Variants in EIF4G3 observed in about 807,000 individuals in gnomAD.
The protein encoded by EIF4G3 is eukaryotic translation initiation factor 4 gamma 3, also known as eIF-4-gamma 3.
In EIF4G3, 34 loss-of-function variants were observed where a neutral mutation model predicts 186.4. The observed-to-expected ratio is 0.18, with a 90% CI of 0.14 to 0.24. The LOEUF is 0.24. EIF4G3 is among the 10% of genes least tolerant of loss of function. The pLI, the probability that EIF4G3 is intolerant of heterozygous loss-of-function variation, is 1.00. For missense variants in EIF4G3, 1,536 were observed against 1,948.5 expected, an observed-to-expected ratio of 0.79 and a Z score of 3.99; for synonymous variants, 673 against 679.5, an observed-to-expected ratio of 0.99 and a Z score of 0.15.
At chr1:21,049,358 G>C (rs2094083394) in intron 4 of EIF4G3, among the ~76,000 whole-genome samples, 1 of 152,072 alleles carries the variant, frequency 6.6e-6, no homozygotes, top group African/African-American at 2.4e-5. Context: ...TTATATTCTT[G>C]AGAGTGCATA....
intron 4 of EIF4G3, among the ~76,000 whole-genome samples, chr1:21,025,674 A>G (rs2091973274): frequency 6.6e-6 from 1 of 152,206 alleles, no homozygotes; most frequent in African/African-American, 2.4e-5. Context: ...TCTCAAATAT[A>G]TCAACTTTTT....
chr1:21,118,686 T>C (rs935587754), intron 2 of EIF4G3, among the ~76,000 whole-genome samples: 5 of 150,086 alleles, frequency 3.3e-5, no homozygotes, highest in African/African-American at 4.9e-5. Context: ...CTTGGGAGGC[T>C]GAGGAAGGAG....
chr1:21,037,117 G>A (rs1207077462), intron 4 of EIF4G3, among the ~76,000 whole-genome samples: 3 of 151,844 alleles, frequency 2.0e-5, no homozygotes, highest in African/African-American at 7.2e-5. Context: ...AAGATTCCCA[G>A]ACCCTCACAG....
At chr1:20,953,030 T>A (rs776630965) in intron 12 of EIF4G3, among the ~76,000 whole-genome samples, 1 of 152,166 alleles carries the variant, frequency 6.6e-6, no homozygotes, top group Non-Finnish European at 1.5e-5. Flanking sequence ...TTTTGATACA[T>A]ATGAAGAAAT....
rs1220961794 is a variant in EIF4G3, at chr1:20,829,283, A to G, written c.4062-11T>C. 1 of 1,608,674 alleles carries G rather than the reference A, an allele frequency of 6.2e-7. No homozygotes were observed. The highest frequency in any genetic ancestry group is 8.5e-7 in the Non-Finnish European group (1 of 1,178,654). ...AAAGTTTCTGAAAAACTGAAAAGGA[A>G]CAGGGGGTAAAAATCACATGCAAAT... On this transcript the variant is annotated splice_polypyrimidine_tract_variant and intron_variant, in intron 30 of 36. Transcript: ENST00000602326.
intron 2 of EIF4G3, among the ~76,000 whole-genome samples, chr1:21,173,190 G>A (rs80228727): frequency 0.11 from 13,665 of 122,938 alleles, 870 homozygotes; most frequent in South Asian, 0.29. Context: ...ACATTTTCTA[G>A]AAGACCTTTG....
intron 7 of EIF4G3, among the ~76,000 whole-genome samples, chr1:20,993,607 C>G (rs1375471567): frequency 6.6e-6 from 1 of 152,096 alleles, no homozygotes. Context: ...CATCATCCAA[C>G]AACAAATTCC....
chr1:21,043,937 C>T (rs1038924078), intron 4 of EIF4G3, among the ~76,000 whole-genome samples: 4 of 148,886 alleles, frequency 2.7e-5, no homozygotes, highest in African/African-American at 7.4e-5. Context: ...ATTAGAAAAA[C>T]ATTTGGTCAA....
chr1:20,916,672 A>G (rs2093912673), intron 14 of EIF4G3, among the ~76,000 whole-genome samples: 2 of 152,200 alleles, frequency 1.3e-5, no homozygotes, highest in African/African-American at 4.8e-5. Context: ...AAAAAGAAGA[A>G]TGAAGTTGGA....
chr1:21,073,026 T>C (rs1403407128), intron 3 of EIF4G3, among the ~76,000 whole-genome samples: 1 of 152,172 alleles, frequency 6.6e-6, no homozygotes, highest in East Asian at 1.9e-4. Context: ...ACTTACCCAA[T>C]GACACACACA....
chr1:20,962,161 T>C (rs897346093), intron 12 of EIF4G3, among the ~76,000 whole-genome samples: 1 of 152,152 alleles, frequency 6.6e-6, no homozygotes, highest in Non-Finnish European at 1.5e-5. Context: ...CAGTTGACCC[T>C]TGAACAATTC....
At chr1:20,997,660 A>G in intron 6 of EIF4G3, 27 bp from the exon 7 acceptor site, 1 of 1,533,400 alleles carries the variant, frequency 6.5e-7, no homozygotes, top group Non-Finnish European at 8.8e-7. Context: ...AAACAAACAC[A>G]AAAGGAAAGG....
At chr1:20,987,326 A>C (rs571118501) in intron 7 of EIF4G3, among the ~76,000 whole-genome samples, 1 of 152,244 alleles carries the variant, frequency 6.6e-6, no homozygotes, top group African/African-American at 2.4e-5. Flanking sequence ...ATTTAATCAC[A>C]TTAGATATTC....
In EIF4G3 at chr1:20,814,633, G is replaced by C. The variant is rs1381284883; in HGVS notation, c.4516-1394C>G. Among the ~76,000 whole-genome samples, 4 of 152,158 alleles carry C rather than the reference G, an allele frequency of 2.6e-5. No homozygotes were observed. In the East Asian group the frequency reaches 7.7e-4, roughly 29 times the overall value. ...TTCATCTTAATTTTAATGTGAATTA[G>C]AAGTTAATCTCAAGCATTACTTAAC... On this transcript the variant is annotated intron_variant, in intron 34 of 36. Transcript: ENST00000602326.
At chr1:21,030,840 T>C (rs944468253) in intron 4 of EIF4G3, among the ~76,000 whole-genome samples, 4 of 152,146 alleles carry the variant, frequency 2.6e-5, no homozygotes. Context: ...TCCATATAGA[T>C]TGCTGAATAT....
intron 7 of EIF4G3, among the ~76,000 whole-genome samples, chr1:20,995,301 A>T (rs1416428624): frequency 6.6e-6 from 1 of 152,184 alleles, no homozygotes; most frequent in Non-Finnish European, 1.5e-5. Context: ...AAATTTTTTG[A>T]TCAACAGTCT....
chr1:20,885,389 G>C (rs2083793187), intron 19 of EIF4G3, among the ~76,000 whole-genome samples: 1 of 152,174 alleles, frequency 6.6e-6, no homozygotes, highest in African/African-American at 2.4e-5. Flanking sequence ...TTTTATAGTT[G>C]AGATTAAGAA....
intron 14 of EIF4G3, among the ~76,000 whole-genome samples, chr1:20,927,213 G>A (rs769116842): frequency 1.1e-4 from 16 of 152,004 alleles, no homozygotes; most frequent in Non-Finnish European, 1.5e-4. Flanking sequence ...CCAGCTAACT[G>A]AATTGAGCAG....
chr1:20,845,407 A>G (rs1305236426), intron 29 of EIF4G3, among the ~76,000 whole-genome samples: 4 of 152,284 alleles, frequency 2.6e-5, no homozygotes, highest in Admixed American at 1.3e-4. Flanking sequence ...TCACGCCTGT[A>G]ATCCCAGCAC....
Sources: gnomAD v4.1 joint callset for allele counts (sites outside exome capture counted in the v4.1 genomes callset) on GRCh38, gnomAD v4.1.1 for gene constraint, MANE v1.5 for transcripts, NCBI Gene and HGNC (gene_info 2026-07-23, HGNC 2026-07-21) for gene names.